CCDC15: variants seen among roughly 807,000 people sequenced by gnomAD.
The protein encoded by CCDC15 is coiled-coil domain-containing protein 15.
Under a neutral mutation model 114.5 loss-of-function variants are expected in CCDC15, and 105 were observed. The ratio of observed to expected loss-of-function variants is 0.92; its 90% CI spans 0.78 to 1.08. The LOEUF (loss-of-function observed/expected upper bound fraction) is 1.08. Among genes scored for constraint, CCDC15 ranks in the 50% least tolerant of loss-of-function variants. The probability of loss-of-function intolerance (pLI) is 0.00; values close to 1 mark genes in which losing one functional copy is unlikely to be tolerated. For missense variants in CCDC15, 1,105 were observed against 1,093.6 expected (o/e 1.01, Z -0.15); for synonymous variants, 334 against 377.8 (o/e 0.88, Z 1.34).
In CCDC15 at chr11:125,039,172, CAG is replaced by C. The variant is rs1280093713; in HGVS notation, c.2734+107_2734+108del. On this transcript the variant is annotated intron_variant, in intron 15 of 15. Coordinates refer to ENST00000344762, the MANE Select transcript of CCDC15 (RefSeq NM_025004.3). ...CATTTATTGAGTGCTTACTATGTAT[CAG>C]AGACTGTTATAAACCCTTTACAAAA... is the stretch of plus-strand genomic sequence containing the variant. 4 of 1,096,936 alleles carry C rather than the reference CAG, an allele frequency of 3.6e-6. No homozygotes were observed. In the African/African-American group the frequency reaches 6.2e-5, roughly 17 times the overall value. The allele number at this position is 1,096,936 out of a possible 1,614,324, so 68.0% of individuals were successfully genotyped here. A position where few individuals can be genotyped will look rare whatever the true frequency, so the allele number is the denominator to read the frequency against.
At chr11:125,026,219 A>T (rs750229309) in intron 13 of CCDC15, among the ~76,000 whole-genome samples, 14 of 152,104 alleles carry the variant, frequency 9.2e-5, no homozygotes, top group Non-Finnish European at 1.8e-4. Flanking sequence ...TGTGGTGGTG[A>T]GGTTTGCTGA....
At chr11:125,023,689 T>C (rs1415624965) in intron 13 of CCDC15, among the ~76,000 whole-genome samples, 5 of 151,996 alleles carry the variant, frequency 3.3e-5, no homozygotes, top group Non-Finnish European at 7.4e-5. Flanking sequence ...CAAATGTTCC[T>C]GGTGAGGAAT....
intron 13 of CCDC15, among the ~76,000 whole-genome samples, chr11:125,022,926 T>G (rs934399826): frequency 3.3e-5 from 5 of 151,970 alleles, no homozygotes; most frequent in Non-Finnish European, 7.4e-5. Flanking sequence ...CTCACTGAAC[T>G]GCTTCTTTCC....
In CCDC15 at chr11:125,038,440, A is replaced by T; in HGVS notation, c.2421A>T (p.Lys807Asn). The T allele has an allele frequency of 6.7e-7, 1 of 1,492,310 alleles. No individual in the cohort carries two copies. The highest frequency in any genetic ancestry group is 8.9e-7 in the Non-Finnish European group (1 of 1,123,922). 92.4% of individuals were successfully genotyped at this position (1,492,310 alleles called of 1,614,324 possible). Reference protein sequence around the residue: ...EQKKKIEKIKKKREQECYAAE... With the variant: ...EQKKKIEKIKNKREQECYAAE... ...ATGATTTTATTTTCAGAATTAAGAA[A>T]AAGAGAGAGCAAGAATGTTATGCTG... The change falls in exon 14 of 16, where the codon AAA becomes AAT. Residue 807 changes from lysine to asparagine, a missense_variant. Physicochemically the swap from Lys to Asn is moderately conservative, Grantham distance 94. Transcript: ENST00000344762.
intron 4 of CCDC15, among the ~76,000 whole-genome samples, chr11:124,973,802 T>G (rs1304564970): frequency 1.3e-5 from 2 of 151,846 alleles, no homozygotes; most frequent in Non-Finnish European, 2.9e-5. Flanking sequence ...ATTTTTTTTG[T>G]ATTTTCTGTA....
At chr11:124,967,191 A>T (rs1417403867) in intron 4 of CCDC15, among the ~76,000 whole-genome samples, 1 of 152,118 alleles carries the variant, frequency 6.6e-6, no homozygotes. Context: ...CTGCCTTGCT[A>T]GGTTGGGGAA....
intron 13 of CCDC15, among the ~76,000 whole-genome samples, chr11:125,034,600 C>T (rs993188775): frequency 6.6e-6 from 1 of 152,160 alleles, no homozygotes; most frequent in Non-Finnish European, 1.5e-5. Flanking sequence ...TCATTATGTT[C>T]CTTGGTTCTC....
chr11:125,019,538 G>A (rs1042529056), intron 13 of CCDC15, among the ~76,000 whole-genome samples: 1 of 151,940 alleles, frequency 6.6e-6, no homozygotes, highest in African/African-American at 2.4e-5. Context: ...ATCACCTAAC[G>A]TCTTTGAAGT....
intron 7 of CCDC15, 55 bp from the exon 8 acceptor site, chr11:124,987,072 C>A: frequency 7.0e-7 from 1 of 1,418,686 alleles, no homozygotes. Context: ...TTTGGAAAAT[C>A]TAGAGTATTG....
rs775374767 is a variant in CCDC15, at chr11:124,992,620, A to T, written c.2072A>T (p.Glu691Val). Residue 691 changes from glutamate to valine, a missense_variant, in exon 10 of 16, where the codon GAA (glutamate) becomes GTA (valine). By Grantham distance (121) the Glu-to-Val change is moderately radical (BLOSUM62 -2). Coordinates refer to ENST00000344762, the MANE Select transcript of CCDC15 (RefSeq NM_025004.3). Reference protein sequence around the residue: ...SFMREERVREELPLDYHQYVV... With the variant: ...SFMREERVREVLPLDYHQYVV... Reference sequence around the variant, plus strand: ...ATGAGAGAAGAAAGAGTGAGAGAAGAATTGCCTCTGGACTATCATCAATAT... The same window carrying T: ...ATGAGAGAAGAAAGAGTGAGAGAAGTATTGCCTCTGGACTATCATCAATAT... 5.6e-6 allele frequency: 9 copies of T among 1,601,480 alleles called. No homozygotes were observed. In the African/African-American group the frequency reaches 6.7e-5, roughly 12 times the overall value.
At chr11:124,987,044 T>C in intron 7 of CCDC15, 83 bp from the exon 8 acceptor site, 1 of 1,363,714 alleles carries the variant, frequency 7.3e-7, no homozygotes, top group East Asian at 2.6e-5. Context: ...TGCCATATCA[T>C]TTTGATATTT....
At chr11:125,035,581 T>G (rs1385309087) in intron 13 of CCDC15, among the ~76,000 whole-genome samples, 1 of 152,110 alleles carries the variant, frequency 6.6e-6, no homozygotes, top group Non-Finnish European at 1.5e-5. Flanking sequence ...CATTCAATGT[T>G]ATCATTGTTA....
In CCDC15 at chr11:125,013,224, A is replaced by G. The variant is rs568055386; in HGVS notation, c.2411+8012A>G. On this transcript the variant is annotated intron_variant, in intron 13 of 15. Transcript: ENST00000344762. Reference sequence around the variant, plus strand: ...ATGCTTTATAGATGAGTTAATACTCAAGCTACATCTTAAAGGATGAATTGA... The same window carrying G: ...ATGCTTTATAGATGAGTTAATACTCGAGCTACATCTTAAAGGATGAATTGA... Among the ~76,000 whole-genome samples the G allele has an allele frequency of 5.3e-5, 8 of 152,294 alleles. No homozygotes were observed. The South Asian group carries it at 6.2e-4, about 12-fold the overall frequency.
At chr11:125,014,152 T>C (rs1398336834) in intron 13 of CCDC15, among the ~76,000 whole-genome samples, 1 of 152,122 alleles carries the variant, frequency 6.6e-6, no homozygotes, top group Non-Finnish European at 1.5e-5. Context: ...TCAGTTGAGT[T>C]AGGGAGAGCA....
intron 2 of CCDC15, among the ~76,000 whole-genome samples, chr11:124,957,447 A>G (rs1191389505): frequency 1.3e-5 from 2 of 152,332 alleles, no homozygotes; most frequent in South Asian, 2.1e-4. Flanking sequence ...TCCTCACAGC[A>G]TGGTAATCTC....
At position 124,962,659 on chromosome 11, in the gene CCDC15, T is replaced by A. The variant is rs868778422; in HGVS notation, c.516+2656T>A. ...CAAGGAATTCAGTTCTTTTTTTTTTTTTATTATACTTTAAATTCTAGGGTG... is the reference window on the plus strand; with the variant it reads ...CAAGGAATTCAGTTCTTTTTTTTTTATTATTATACTTTAAATTCTAGGGTG... On this transcript the variant is annotated intron_variant, in intron 4 of 15. Coordinates refer to ENST00000344762, the MANE Select transcript of CCDC15 (RefSeq NM_025004.3). 2.5e-3 allele frequency among the ~76,000 whole-genome samples: 385 copies of A among 152,236 alleles called. 1 individual carries two copies. Among genetic ancestry groups the A allele is most frequent in the Middle Eastern group, 0.01 (3 of 294 alleles).
chr11:124,961,381 A>G (rs1177479072), intron 4 of CCDC15, among the ~76,000 whole-genome samples: 1 of 152,226 alleles, frequency 6.6e-6, no homozygotes, highest in African/African-American at 2.4e-5. Flanking sequence ...TCATTGTATC[A>G]GATAATAATA....
chr11:125,004,139 A>G (rs1330009439), intron 12 of CCDC15, among the ~76,000 whole-genome samples, 180 bp downstream of exon 12: 6 of 152,032 alleles, frequency 3.9e-5, no homozygotes, highest in Non-Finnish European at 7.4e-5. Context: ...CCAAGCTCCT[A>G]TGAGTTAGGG....
intron 13 of CCDC15, among the ~76,000 whole-genome samples, chr11:125,033,753 A>G (rs930426603): frequency 6.6e-6 from 1 of 152,162 alleles, no homozygotes; most frequent in South Asian, 2.1e-4. Flanking sequence ...CAGACAAACT[A>G]TTAGAATCTT....
Sources: gnomAD v4.1 joint callset for allele counts (sites outside exome capture counted in the v4.1 genomes callset) on GRCh38, gnomAD v4.1.1 for gene constraint, MANE v1.5 for transcripts, NCBI Gene and HGNC (gene_info 2026-07-23, HGNC 2026-07-21) for gene names.